The following RSPO4 variants were observed in gnomAD, a reference collection of about 807,000 sequenced individuals.
RSPO4 encodes R-spondin 4, also known as R-spondin-4.
A neutral mutation model predicts 24.8 loss-of-function variants in RSPO4; 23 were observed. The ratio of observed to expected loss-of-function variants is 0.93; its 90% CI spans 0.67 to 1.31. The LOEUF (loss-of-function observed/expected upper bound fraction) is 1.31. Ranked by LOEUF, RSPO4 falls within the 40% of genes most tolerant of loss-of-function variation. The probability of loss-of-function intolerance (pLI) is 0.00; values close to 1 mark genes in which losing one functional copy is unlikely to be tolerated. For missense variants in RSPO4, 333 were observed against 316.5 expected, an observed-to-expected ratio of 1.05 and a Z score of -0.39; for synonymous variants, 141 against 127.4, an observed-to-expected ratio of 1.11 and a Z score of -0.72.
chr20:980,207 T>C (rs1317394972), intron 1 of RSPO4, among the ~76,000 whole-genome samples: 2 of 152,252 alleles, frequency 1.3e-5, no homozygotes, highest in Non-Finnish European at 2.9e-5. Context: ...ACCCAGGCAG[T>C]GTGACTCTGA....
In RSPO4 at chr20:1,002,119, C is replaced by T; in HGVS notation, c.46G>A (p.Asp16Asn). ...TTCCTTCGGTTCAGGGCGAGCATGT[C>T]CACGGCGTGGGCGACGAGCAGGAGC... ...CLLLLVAHAV[D>N]MLALNRRKKQ... The change falls in exon 1 of 5, where the codon GAC becomes AAC. Residue 16 changes from aspartate (D) to asparagine (N), a missense_variant. Asp to Asn is a conservative substitution (Grantham distance 23). Transcript: ENST00000217260. This position sits in a 1 kb window ranked among gnomAD's most constrained non-coding sequence, Gnocchi z 4.6. 1 of 1,565,734 alleles carries T rather than the reference C, an allele frequency of 6.4e-7. No homozygotes were observed. Among genetic ancestry groups the T allele is most frequent in the South Asian group, 1.2e-5 (1 of 85,254 alleles).
At chr20:966,390 A>G (rs1455426115) in intron 3 of RSPO4, among the ~76,000 whole-genome samples, 1 of 151,998 alleles carries the variant, frequency 6.6e-6, no homozygotes, top group Non-Finnish European at 1.5e-5. Context: ...TTTAAATTGT[A>G]CTAATTCACT....
chr20:988,338 G>A (rs1984988361), intron 1 of RSPO4, among the ~76,000 whole-genome samples: 1 of 152,170 alleles, frequency 6.6e-6, no homozygotes, highest in Non-Finnish European at 1.5e-5. Flanking sequence ...GGAATGGACT[G>A]TGGGGCAGGA....
chr20:982,937 A>C (rs1984787278), intron 1 of RSPO4, among the ~76,000 whole-genome samples: 1 of 152,190 alleles, frequency 6.6e-6, no homozygotes, highest in Non-Finnish European at 1.5e-5. Context: ...ACCTCCAGCC[A>C]ATCAGGATGC....
chr20:984,750 C>T (rs1405118673), intron 1 of RSPO4, among the ~76,000 whole-genome samples: 15 of 152,172 alleles, frequency 9.9e-5, no homozygotes, highest in Admixed American at 9.2e-4. Context: ...TTCTGTGTGT[C>T]CTCAGGCAAG....
At chr20:971,090 C>A (rs1002579897) in intron 1 of RSPO4, among the ~76,000 whole-genome samples, 1 of 152,184 alleles carries the variant, frequency 6.6e-6, no homozygotes, top group East Asian at 1.9e-4. Context: ...GATCTTCCTG[C>A]CTCAGGGTCC....
chr20:982,061 A>G (rs184962475), intron 1 of RSPO4, among the ~76,000 whole-genome samples: 202 of 152,324 alleles, frequency 1.3e-3, no homozygotes, highest in African/African-American at 4.8e-3. Context: ...TGACCTTCAG[A>G]AAAATCATAT....
chr20:993,854 G>A (rs145092569), intron 1 of RSPO4, among the ~76,000 whole-genome samples: 3,075 of 152,250 alleles, frequency 0.02, 53 homozygotes, highest in Middle Eastern at 0.12. Flanking sequence ...GCCCCTCAGA[G>A]GGGTGCTGTG....
intron 1 of RSPO4, among the ~76,000 whole-genome samples, chr20:985,234 TATCCATCCACTCACCCACCCATCTATCC>T (rs1203295101): frequency 9.2e-6 from 1 of 108,546 alleles, no homozygotes. Context: ...CCCACCCATA[TATCCATCCACTCACCCACCCATCTATCC>T]ATCCATCCAC....
At chr20:1,000,942 G>A (rs1272384312) in intron 1 of RSPO4, among the ~76,000 whole-genome samples, 1 of 152,202 alleles carries the variant, frequency 6.6e-6, no homozygotes, top group Non-Finnish European at 1.5e-5. Context: ...GAGTGACTGT[G>A]TCGCTGTAGG....
chr20:960,234 GGAAA>G lies in RSPO4; in HGVS notation c.*119_*122del, dbSNP rs1200415945. ...ACTGACAGAAAAATGATAGAAGGGT[GGAAA>G]GAAAGAGAGGACAAATGGAGAAGAC... is the stretch of plus-strand genomic sequence containing the variant. On this transcript the variant is annotated 3_prime_UTR_variant, in exon 5 of 5. Transcript: ENST00000217260. 2 of 670,166 alleles carry G rather than the reference GGAAA, an allele frequency of 3.0e-6. No individual in the cohort carries two copies. The highest frequency in any genetic ancestry group is 1.7e-5 in the South Asian group (1 of 60,092). 41.5% of individuals were successfully genotyped at this position (670,166 alleles called of 1,614,324 possible). A position where few individuals can be genotyped will look rare whatever the true frequency, so the allele number is the denominator to read the frequency against.
chr20:964,967 C>G (rs905146767), intron 3 of RSPO4, among the ~76,000 whole-genome samples: 2 of 151,998 alleles, frequency 1.3e-5, no homozygotes, highest in African/African-American at 4.8e-5. Context: ...GGGAACGCAG[C>G]AAGAGGCTCA....
Position 979,628 on chromosome 20 carries a change from G to A in RSPO4, c.80-11490C>T, listed in dbSNP as rs1450897591. Among the ~76,000 whole-genome samples, 4 of 151,764 alleles carry A rather than the reference G, an allele frequency of 2.6e-5. 1 individual carries two copies. The highest frequency in any genetic ancestry group is 9.7e-5 in the African/African-American group (4 of 41,078). On this transcript the variant is annotated intron_variant, in intron 1 of 4. Transcript: ENST00000217260. ...CCCAAGATATGTAAGCCCTGGGTCT[G>A]GAGAGTTACAGCTTGGAGATCTACC...
chr20:963,960 A>C lies in RSPO4; in HGVS notation c.570T>G (p.Cys190Trp), dbSNP rs376404996. Reference sequence around the variant, plus strand: ...CTCCTGGGCAGGGCCTCTGGATGGGACATTTCCTTGACTCAGAAAGCACCT... The same window carrying C: ...CTCCTGGGCAGGGCCTCTGGATGGGCCATTTCCTTGACTCAGAAAGCACCT... ...TCQVLSESRKCPIQRPCPGER... is the reference protein window; with the variant it reads ...TCQVLSESRKWPIQRPCPGER... The change falls in exon 4 of 5, where the codon TGT becomes TGG. Residue 190 changes from cysteine (C) to tryptophan (W), a missense_variant. Cys to Trp is a radical substitution (Grantham distance 215). Coordinates refer to ENST00000217260, the MANE Select transcript of RSPO4 (RefSeq NM_001029871.4). The C allele has an allele frequency of 2.4e-5, 39 of 1,613,956 alleles. 1 individual carries two copies. In the African/African-American group the frequency reaches 4.8e-4, roughly 20 times the overall value.
At chr20:979,995 C>T (rs1163193421) in intron 1 of RSPO4, among the ~76,000 whole-genome samples, 1 of 152,206 alleles carries the variant, frequency 6.6e-6, no homozygotes, top group Non-Finnish European at 1.5e-5. Context: ...AGCCACGGCA[C>T]ACTGGACCTT....
At chr20:1,001,687 CTA>C (rs1057368410) in intron 1 of RSPO4, among the ~76,000 whole-genome samples, 3 of 152,148 alleles carry the variant, frequency 2.0e-5, no homozygotes, top group Non-Finnish European at 4.4e-5. Flanking sequence ...CCAAGGCTCT[CTA>C]TGTCACTTCC....
At position 977,329 on chromosome 20, in the gene RSPO4, G is replaced by A. The variant is rs145733343; in HGVS notation, c.80-9191C>T. Among the ~76,000 whole-genome samples the A allele has an allele frequency of 4.5e-3, 687 of 152,316 alleles. 4 individuals are homozygous for A. The highest frequency in any genetic ancestry group is 0.016 in the African/African-American group (654 of 41,566). ...TAGTGTGGAACAGGGTTAAGAGCCA[G>A]ACTGGTTGGATTGAAATTTCAGCTC... is the stretch of plus-strand genomic sequence containing the variant. On this transcript the variant is annotated intron_variant, in intron 1 of 4. Transcript: ENST00000217260.
chr20:999,705 G>A (rs779134478), intron 1 of RSPO4, among the ~76,000 whole-genome samples: 32 of 152,098 alleles, frequency 2.1e-4, no homozygotes, highest in Non-Finnish European at 3.2e-4. Context: ...ACCAAATTGC[G>A]GCCATATCCC....
intron 1 of RSPO4, among the ~76,000 whole-genome samples, chr20:971,864 G>A (rs1360386223): frequency 6.6e-6 from 1 of 152,146 alleles, no homozygotes; most frequent in Non-Finnish European, 1.5e-5. Context: ...CCTGGGGCAG[G>A]AGGAGGCCTA....
Sources: allele counts gnomAD v4.1 joint callset (sites outside exome capture counted in the v4.1 genomes callset), GRCh38; gene constraint gnomAD v4.1.1; non-coding constraint Gnocchi (gnomAD v3.1); transcripts MANE v1.5; gene names NCBI Gene and HGNC (gene_info 2026-07-23, HGNC 2026-07-21).